Variants in COL8A2 observed in about 807,000 individuals in gnomAD.
COL8A2 encodes the protein collagen alpha-2(VIII) chain.
A neutral mutation model predicts 24.0 loss-of-function variants in COL8A2; 16 were observed. The ratio of observed to expected loss-of-function variants is 0.67; its 90% CI spans 0.45 to 1.01. The LOEUF (loss-of-function observed/expected upper bound fraction) is 1.01. Ranked by LOEUF, COL8A2 falls within the 50% of genes least tolerant of loss-of-function variation. COL8A2 has a pLI of 0.00. For missense variants in COL8A2, 818 were observed against 942.4 expected (o/e 0.87, Z 1.73); for synonymous variants, 466 against 424.5 (o/e 1.10, Z -1.20).
Position 36,098,219 on chromosome 1 carries a change from G to A in COL8A2, c.1462C>T (p.Leu488=), listed in dbSNP as rs567960879. 41 of 1,540,832 alleles carry A rather than the reference G, an allele frequency of 2.7e-5. No homozygotes were observed. In the East Asian group the frequency reaches 9.3e-4, roughly 35 times the overall value. ...CTCCCCTCTCCAGGGGGCCCTGGCA[G>A]GCCTGGTTCCCCCTTCAGGCCCGGC... The part of the protein sequence containing the change: ...GLPGLKGEPG[L]PGPPGEGRAG... Residue 488 remains leucine, a synonymous_variant, in exon 4 of 4, where the codon CTG becomes TTG. Transcript: ENST00000397799.
In COL8A2 at chr1:36,099,510, C is replaced by A. The variant is rs764603812; in HGVS notation, c.194-23G>T. ...TTTCTGAGAAAGAAAGAGAAAGGGG[C>A]AGTCAGGGGCCTGAACTGTGGGGAC... On this transcript the variant is annotated intron_variant, in intron 3 of 3. Transcript: ENST00000397799. 7.3e-6 allele frequency: 11 copies of A among 1,496,640 alleles called. No individual in the cohort carries two copies. The Admixed American group carries it at 1.2e-4, about 16-fold the overall frequency. The allele number at this position is 1,496,640 out of a possible 1,614,324, so 92.7% of individuals were successfully genotyped here. A position where few individuals can be genotyped will look rare whatever the true frequency, so the allele number is the denominator to read the frequency against.
At chr1:36,103,853 G>A (rs1340032492) in intron 2 of COL8A2, among the ~76,000 whole-genome samples, 8 of 151,926 alleles carry the variant, frequency 5.3e-5, no homozygotes, top group Non-Finnish European at 1.2e-4. Flanking sequence ...CAAAGTGCTG[G>A]GATTACAGAC....
In COL8A2 at chr1:36,112,859, C is replaced by T. The variant is rs558154754; in HGVS notation, c.-17+2849G>A. ...TAGGGGCCAACATCTGCCTCTCTAG[C>T]GAGCTCCCAGAGGACGCTGACCCTG... On this transcript the variant is annotated intron_variant, in intron 2 of 3. Coordinates refer to ENST00000397799, the MANE Select transcript of COL8A2 (RefSeq NM_005202.4). 2.6e-5 allele frequency among the ~76,000 whole-genome samples: 4 copies of T among 152,286 alleles called. No homozygotes were observed. In the East Asian group the frequency reaches 7.7e-4, roughly 29 times the overall value.
chr1:36,107,945 G>A (rs528029114), intron 2 of COL8A2, among the ~76,000 whole-genome samples: 25 of 152,032 alleles, frequency 1.6e-4, no homozygotes, highest in Admixed American at 2.6e-4. Context: ...CCCCGTCATC[G>A]CTCTTGTTTC....
rs1048087205 is a variant in COL8A2 at position 36,095,284 on chromosome 1, C to G, written c.*2285G>C. On this transcript the variant is annotated 3_prime_UTR_variant, in exon 4 of 4. Transcript: ENST00000397799. ...ATTGAGGATGTGTCAATACAGTTAA[C>G]ATGGTTGCTTGTCTTTTCAAAAAGA... 6.6e-6 allele frequency: 1 copy of G among 152,184 alleles called. No homozygotes were observed. Among genetic ancestry groups the G allele is most frequent in the Non-Finnish European group, 1.5e-5 (1 of 68,052 alleles). 9.4% of individuals were successfully genotyped at this position (152,184 alleles called of 1,614,324 possible). A position where few individuals can be genotyped will look rare whatever the true frequency, so the allele number is the denominator to read the frequency against.
At chr1:36,114,250 C>T (rs1204356374) in intron 2 of COL8A2, among the ~76,000 whole-genome samples, 2 of 143,786 alleles carry the variant, frequency 1.4e-5, no homozygotes, top group African/African-American at 5.2e-5. Context: ...ACCTGGGAGG[C>T]GGAGCTTGCA....
At chr1:36,103,065 C>T (rs1468981926) in intron 2 of COL8A2, among the ~76,000 whole-genome samples, 1 of 152,140 alleles carries the variant, frequency 6.6e-6, no homozygotes, top group Non-Finnish European at 1.5e-5. Context: ...TCACTGCAGC[C>T]TCGGCCTCCC....
Position 36,097,251 on chromosome 1 carries a change from G to T in COL8A2, c.*318C>A. ...GGCTGTCTCCCCACGTGGCGGGGTGGGGAGTTGAGCTCCCTCTCAGCTCCT... is the reference window on the plus strand; with the variant it reads ...GGCTGTCTCCCCACGTGGCGGGGTGTGGAGTTGAGCTCCCTCTCAGCTCCT... On this transcript the variant is annotated 3_prime_UTR_variant, in exon 4 of 4. Transcript: ENST00000397799. 3.7e-6 allele frequency: 1 copy of T among 268,438 alleles called. No homozygotes were observed. The highest frequency in any genetic ancestry group is 2.2e-5 in the African/African-American group (1 of 46,118). The allele number at this position is 268,438 out of a possible 1,614,324, so 16.6% of individuals were successfully genotyped here.
intron 1 of COL8A2, among the ~76,000 whole-genome samples, chr1:36,124,411 G>C (rs1557751047): frequency 6.6e-6 from 1 of 152,140 alleles, no homozygotes; most frequent in African/African-American, 2.4e-5. Flanking sequence ...TGGGACCCCA[G>C]TCCCTCTTGG....
In COL8A2 at chr1:36,097,288, C is replaced by T; in HGVS notation, c.*281G>A. 2.8e-6 allele frequency: 1 copy of T among 359,094 alleles called. No individual in the cohort carries two copies. Among genetic ancestry groups the T allele is most frequent in the Non-Finnish European group, 5.1e-6 (1 of 195,430 alleles). 22.2% of individuals were successfully genotyped at this position (359,094 alleles called of 1,614,324 possible). A position where few individuals can be genotyped will look rare whatever the true frequency, so the allele number is the denominator to read the frequency against. On this transcript the variant is annotated 3_prime_UTR_variant, in exon 4 of 4. Transcript: ENST00000397799. ...CCCTCTCAGCTCCTTCAGGGCCCAG[C>T]AGAGGCCAGGACTCACAAGGGGCTG...
At chr1:36,119,200 A>G (rs575621397) in intron 1 of COL8A2, among the ~76,000 whole-genome samples, 17 of 152,332 alleles carry the variant, frequency 1.1e-4, no homozygotes, top group Middle Eastern at 3.4e-3. Flanking sequence ...GCTCAGCTTC[A>G]CAGAGCATTT....
intron 2 of COL8A2, among the ~76,000 whole-genome samples, chr1:36,108,118 A>G (rs1643786790): frequency 1.3e-5 from 2 of 152,214 alleles, no homozygotes; most frequent in African/African-American, 2.4e-5. Flanking sequence ...CTTTGCACAG[A>G]TAAATGTCAC....
At chr1:36,099,541 A>AC in intron 3 of COL8A2, 54 bp from the exon 4 acceptor site, 2 of 1,255,274 alleles carry the variant, frequency 1.6e-6, no homozygotes, top group Non-Finnish European at 2.2e-6. Context: ...GGGACAGGGG[A>AC]CCCCATCTAC....
At chr1:36,100,686 T>C (rs1570032096) in intron 2 of COL8A2, among the ~76,000 whole-genome samples, 1 of 152,136 alleles carries the variant, frequency 6.6e-6, no homozygotes, top group African/African-American at 2.4e-5. Flanking sequence ...TGAATTCACT[T>C]AATGCTCAGA....
At position 36,103,576 on chromosome 1, in the gene COL8A2, G is replaced by GT. The variant is rs568818525; in HGVS notation, c.-16-3319dup. Among the ~76,000 whole-genome samples the GT allele has an allele frequency of 8.3e-4, 125 of 151,356 alleles. 1 individual carries two copies. Among genetic ancestry groups the GT allele is most frequent in the African/African-American group, 2.9e-3 (119 of 41,362 alleles). On this transcript the variant is annotated intron_variant, in intron 2 of 3. Coordinates refer to ENST00000397799, the MANE Select transcript of COL8A2 (RefSeq NM_005202.4). The stretch of plus-strand genomic sequence containing the variant: ...GCGTGAGGCCCACATCTGTGTTTTT[G>GT]TTTTTTGTTTTCTTTTTTTTGAGAC...
intron 2 of COL8A2, among the ~76,000 whole-genome samples, chr1:36,106,716 C>A (rs1184361716): frequency 6.6e-6 from 1 of 152,066 alleles, no homozygotes; most frequent in Non-Finnish European, 1.5e-5. Flanking sequence ...AGCAGGGCGC[C>A]AAGGAACAGC....
chr1:36,121,568 C>A (rs2124114215), intron 1 of COL8A2, among the ~76,000 whole-genome samples: 1 of 150,868 alleles, frequency 6.6e-6, no homozygotes, highest in Admixed American at 6.6e-5. Context: ...ATTAGCCGGG[C>A]ATGGTGGTGG....
chr1:36,106,006 C>G (rs1375223208), intron 2 of COL8A2, among the ~76,000 whole-genome samples: 2 of 150,828 alleles, frequency 1.3e-5, no homozygotes, highest in African/African-American at 2.4e-5. Flanking sequence ...GGCGCGGTGG[C>G]TCACCTGTAA....
chr1:36,117,052 G>A (rs1247786037), intron 1 of COL8A2, among the ~76,000 whole-genome samples: 2 of 152,250 alleles, frequency 1.3e-5, no homozygotes, highest in Non-Finnish European at 2.9e-5. Flanking sequence ...ACCTGGCAGG[G>A]AGGCCTGCAG....
Sources: gnomAD v4.1 joint callset for allele counts (sites outside exome capture counted in the v4.1 genomes callset) on GRCh38, gnomAD v4.1.1 for gene constraint, MANE v1.5 for transcripts, NCBI Gene and HGNC (gene_info 2026-07-23, HGNC 2026-07-21) for gene names.